The following HOOK3 variants were observed in gnomAD, a reference collection of about 807,000 sequenced individuals.
HOOK3 encodes the protein hook microtubule tethering protein 3, also known as protein Hook homolog 3.
A neutral mutation model predicts 116.3 loss-of-function variants in HOOK3; 24 were observed. The ratio of observed to expected loss-of-function variants is 0.21; its 90% CI spans 0.15 to 0.29. The LOEUF is 0.29. HOOK3 is among the 10% of genes least tolerant of loss of function. HOOK3 has a pLI of 1.00. For missense variants in HOOK3, 632 were observed against 830.2 expected (o/e 0.76, Z 2.93); for synonymous variants, 275 against 283.0 (o/e 0.97, Z 0.28).
chr8:42,930,671 C>T (rs528668275), intron 4 of HOOK3, among the ~76,000 whole-genome samples: 1 of 152,112 alleles, frequency 6.6e-6, no homozygotes, highest in Non-Finnish European at 1.5e-5. Context: ...AGTTATTTCC[C>T]TACTGTGTTT....
At chr8:42,930,485 T>A (rs987767970) in intron 4 of HOOK3, among the ~76,000 whole-genome samples, 1 of 152,222 alleles carries the variant, frequency 6.6e-6, no homozygotes, top group Non-Finnish European at 1.5e-5. Flanking sequence ...TGCACCATTG[T>A]CTACTTTCAT....
At chr8:42,984,050 AGTTGTTG>A (rs902137826) in intron 14 of HOOK3, among the ~76,000 whole-genome samples, 4 of 152,290 alleles carry the variant, frequency 2.6e-5, no homozygotes, top group African/African-American at 9.6e-5. Flanking sequence ...AACAATTTGT[AGTTGTTG>A]GTTAGCATTT....
chr8:42,972,528 C>T (rs1205667608), intron 11 of HOOK3, among the ~76,000 whole-genome samples: 1 of 152,158 alleles, frequency 6.6e-6, no homozygotes, highest in Middle Eastern at 3.2e-3. Flanking sequence ...CTTCCCACCT[C>T]AGCCTCCTGA....
At chr8:42,943,856 A>T (rs1329073600) in intron 5 of HOOK3, among the ~76,000 whole-genome samples, 1 of 152,244 alleles carries the variant, frequency 6.6e-6, no homozygotes, top group Admixed American at 6.5e-5. Flanking sequence ...TTTTTTAGGC[A>T]TATTGTATTT....
intron 14 of HOOK3, among the ~76,000 whole-genome samples, chr8:42,984,671 G>A (rs1809016132): frequency 6.6e-6 from 1 of 152,160 alleles, no homozygotes; most frequent in African/African-American, 2.4e-5. Context: ...GGAGGCCAAG[G>A]CAGGCGGATC....
intron 18 of HOOK3, among the ~76,000 whole-genome samples, chr8:43,008,820 C>T (rs947442093): frequency 6.7e-6 from 1 of 149,730 alleles, no homozygotes; most frequent in Non-Finnish European, 1.5e-5. Context: ...CCACTACGCC[C>T]GGCTAATTTT....
chr8:42,957,242 CT>C, intron 7 of HOOK3, 86 bp downstream of exon 7: 1 of 670,048 alleles, frequency 1.5e-6, no homozygotes, highest in Non-Finnish European at 2.4e-6. Flanking sequence ...GTTAAAATTG[CT>C]TTTTATTATA....
chr8:42,933,513 A>T (rs925663003), intron 4 of HOOK3, among the ~76,000 whole-genome samples: 1 of 152,214 alleles, frequency 6.6e-6, no homozygotes, highest in Non-Finnish European at 1.5e-5. Flanking sequence ...AAACAAGAAG[A>T]ATAAATTCAT....
At chr8:42,951,732 A>G (rs1185397531) in intron 6 of HOOK3, among the ~76,000 whole-genome samples, 19 of 152,128 alleles carry the variant, frequency 1.2e-4, no homozygotes, top group Admixed American at 3.9e-4. Context: ...CACGAGGTCA[A>G]GAGATTGAGA....
chr8:42,974,281 A>G (rs917887957), intron 13 of HOOK3, 87 bp downstream of exon 13: 8 of 962,544 alleles, frequency 8.3e-6, no homozygotes, highest in African/African-American at 3.2e-5. Context: ...CTGGAGTGCA[A>G]TGGCACTGTC....
At chr8:42,904,024 TAGTA>T (rs1332319346) in intron 1 of HOOK3, among the ~76,000 whole-genome samples, 1 of 152,132 alleles carries the variant, frequency 6.6e-6, no homozygotes, top group African/African-American at 2.4e-5. Context: ...CACCCACCGT[TAGTA>T]AGAGAATAAA....
chr8:42,902,273 TCTC>T (rs1466316641), intron 1 of HOOK3, among the ~76,000 whole-genome samples: 3 of 149,220 alleles, frequency 2.0e-5, no homozygotes, highest in Non-Finnish European at 4.5e-5. Context: ...TCTCTCTCTC[TCTC>T]TTTTTTTTTT....
intron 13 of HOOK3, among the ~76,000 whole-genome samples, chr8:42,976,769 T>C (rs1312731889): frequency 6.6e-6 from 1 of 151,924 alleles, no homozygotes; most frequent in Admixed American, 6.6e-5. Flanking sequence ...TGGTGGCGGG[T>C]GCCTATAGTC....
intron 4 of HOOK3, among the ~76,000 whole-genome samples, chr8:42,930,747 G>A (rs1404131148): frequency 6.6e-6 from 1 of 152,122 alleles, no homozygotes; most frequent in African/African-American, 2.4e-5. Flanking sequence ...CCCCATCTCA[G>A]TAAGTGACCC....
intron 3 of HOOK3, among the ~76,000 whole-genome samples, chr8:42,926,906 A>G (rs1157847702): frequency 6.6e-6 from 1 of 151,654 alleles, no homozygotes; most frequent in African/African-American, 2.4e-5. Flanking sequence ...CATCCACACC[A>G]CCCCTAATCC....
At chr8:42,940,194 T>C (rs981060598) in intron 4 of HOOK3, among the ~76,000 whole-genome samples, 2 of 151,350 alleles carry the variant, frequency 1.3e-5, no homozygotes, top group African/African-American at 4.9e-5. Flanking sequence ...CCAGGCACCA[T>C]TGGCACTGAG....
intron 13 of HOOK3, among the ~76,000 whole-genome samples, chr8:42,975,985 G>A (rs529560537): frequency 1.3e-5 from 2 of 152,212 alleles, no homozygotes; most frequent in Admixed American, 6.5e-5. Context: ...GATTACAGGC[G>A]TGAGCCACCG....
At chr8:42,906,350 G>A (rs575982507) in intron 2 of HOOK3, 92 bp downstream of exon 2, 23 of 872,854 alleles carry the variant, frequency 2.6e-5, no homozygotes, top group South Asian at 2.6e-4. Flanking sequence ...TACATGAAAC[G>A]TGTGTAGAGT....
At chr8:42,903,431 A>G (rs371634216) in intron 1 of HOOK3, among the ~76,000 whole-genome samples, 32 of 128,856 alleles carry the variant, frequency 2.5e-4, no homozygotes, top group African/African-American at 9.0e-4. Flanking sequence ...TGCAAGCTCC[A>G]CCTCCCGAGT....
Sources: allele counts gnomAD v4.1 joint callset (sites outside exome capture counted in the v4.1 genomes callset), GRCh38; gene constraint gnomAD v4.1.1; transcripts MANE v1.5; gene names NCBI Gene and HGNC (gene_info 2026-07-23, HGNC 2026-07-21).